PTPRD: variants seen among roughly 807,000 people sequenced by gnomAD.
PTPRD encodes protein tyrosine phosphatase receptor type D.
A neutral mutation model predicts 214.5 loss-of-function variants in PTPRD; 34 were observed. That is an observed-to-expected ratio of 0.16 (90% CI 0.12 to 0.21). The LOEUF (loss-of-function observed/expected upper bound fraction) is 0.21. Among genes scored for constraint, PTPRD ranks in the 10% least tolerant of loss-of-function variants. The pLI is 1.00. For synonymous variants in PTPRD, 1,128 were observed against 845.7 expected, an observed-to-expected ratio of 1.33 and a Z score of -5.79; for missense variants, 2,545 against 2,398.7, an observed-to-expected ratio of 1.06 and a Z score of -1.27.
At chr9:9,647,192 TCATTC>T (rs2096214061) in intron 7 of PTPRD, among the ~76,000 whole-genome samples, 1 of 152,292 alleles carries the variant, frequency 6.6e-6, no homozygotes, top group Admixed American at 6.5e-5. Context: ...CTCTTTCTAG[TCATTC>T]CATTCATTTC....
chr9:8,486,780 G>A (rs1167884179), intron 27 of PTPRD, among the ~76,000 whole-genome samples: 1 of 152,150 alleles, frequency 6.6e-6, no homozygotes, highest in African/African-American at 2.4e-5. Flanking sequence ...ATTGCATATA[G>A]TATTCACAAT....
At position 8,934,270 on chromosome 9, in the gene PTPRD, C is replaced by T. The variant is rs761111217; in HGVS notation, c.-104+84427G>A. Among the ~76,000 whole-genome samples, 29 of 149,340 alleles carry T rather than the reference C, an allele frequency of 1.9e-4. 1 individual carries two copies. Among genetic ancestry groups the T allele is most frequent in the Non-Finnish European group, 4.0e-4 (27 of 67,562 alleles). On this transcript the variant is annotated intron_variant, in intron 11 of 45. Transcript: ENST00000381196. ...AAAATAACATAAAATTAAGTGAAGG[C>T]CCATCCTCCTAAATTCAGTTCCAAC...
At position 10,277,337 on chromosome 9, in the gene PTPRD, C is replaced by T. The variant is rs139632979; in HGVS notation, c.-545+63626G>A. ...CTTTATCCCAAATCCATTTTCCTTA[C>T]TTATTTTTCCAAAATAATCTTCCAT... is the stretch of plus-strand genomic sequence containing the variant. On this transcript the variant is annotated intron_variant, in intron 3 of 45. Coordinates refer to ENST00000381196, the MANE Select transcript of PTPRD (RefSeq NM_002839.4). Among the ~76,000 whole-genome samples the T allele has an allele frequency of 1.3e-3, 202 of 151,534 alleles. 1 individual carries two copies. Among genetic ancestry groups the T allele is most frequent in the African/African-American group, 4.8e-3 (197 of 41,376 alleles).
intron 12 of PTPRD, among the ~76,000 whole-genome samples, chr9:8,677,918 G>A (rs549299781): frequency 6.6e-6 from 1 of 152,140 alleles, no homozygotes; most frequent in Non-Finnish European, 1.5e-5. Flanking sequence ...TTGATCTGTG[G>A]GGGGTCTTGG....
chr9:9,807,153 C>G (rs959141693), intron 5 of PTPRD, among the ~76,000 whole-genome samples: 1 of 152,110 alleles, frequency 6.6e-6, no homozygotes, highest in Non-Finnish European at 1.5e-5. Context: ...CAGTCTCTAT[C>G]TTATGCCCCT....
chr9:9,786,483 AC>A (rs2098925058), intron 5 of PTPRD, among the ~76,000 whole-genome samples: 1 of 152,230 alleles, frequency 6.6e-6, no homozygotes, highest in African/African-American at 2.4e-5. Flanking sequence ...AGCATTTTGT[AC>A]CATAAATGCT....
At chr9:8,666,190 C>T (rs1009508159) in intron 12 of PTPRD, among the ~76,000 whole-genome samples, 5 of 151,754 alleles carry the variant, frequency 3.3e-5, no homozygotes, top group African/African-American at 1.2e-4. Flanking sequence ...GATTTTTTTC[C>T]CCTGCTGTAG....
At chr9:8,507,836 G>T (rs954458347) in intron 21 of PTPRD, among the ~76,000 whole-genome samples, 13 of 152,166 alleles carry the variant, frequency 8.5e-5, no homozygotes, top group Non-Finnish European at 8.8e-5. Context: ...AACTGAGTAG[G>T]AACTTACTCT....
At chr9:8,765,727 G>A (rs2094688074) in intron 11 of PTPRD, among the ~76,000 whole-genome samples, 1 of 152,216 alleles carries the variant, frequency 6.6e-6, no homozygotes, top group Non-Finnish European at 1.5e-5. Context: ...CTTGGCAGCA[G>A]TAGCTAACTA....
chr9:8,786,656 C>A (rs1338355767), intron 11 of PTPRD, among the ~76,000 whole-genome samples: 1 of 151,422 alleles, frequency 6.6e-6, no homozygotes, highest in Non-Finnish European at 1.5e-5. Context: ...CTCAGGTGAT[C>A]CACCCGCCTC....
chr9:10,251,552 A>G (rs978522992), intron 3 of PTPRD, among the ~76,000 whole-genome samples: 3 of 152,202 alleles, frequency 2.0e-5, no homozygotes, highest in Admixed American at 6.5e-5. Context: ...TAAAATCCAC[A>G]TTATATGAAT....
intron 4 of PTPRD, among the ~76,000 whole-genome samples, chr9:9,976,361 A>G (rs942036511): frequency 9.9e-5 from 15 of 152,096 alleles, no homozygotes; most frequent in Admixed American, 7.2e-4. Flanking sequence ...TACACTTTTT[A>G]TGCATCATCC....
intron 9 of PTPRD, among the ~76,000 whole-genome samples, chr9:9,189,227 C>A (rs1221204936): frequency 6.6e-6 from 1 of 151,886 alleles, no homozygotes; most frequent in Non-Finnish European, 1.5e-5. Flanking sequence ...CCTCTAGAGT[C>A]AGGAAAAATC....
At chr9:8,589,729 A>T (rs1594704873) in intron 14 of PTPRD, among the ~76,000 whole-genome samples, 1 of 152,274 alleles carries the variant, frequency 6.6e-6, no homozygotes, top group East Asian at 1.9e-4. Flanking sequence ...CACGTCTGCC[A>T]CCTCAGAAAT....
intron 4 of PTPRD, among the ~76,000 whole-genome samples, chr9:10,012,979 A>G (rs2154108459): frequency 6.6e-6 from 1 of 152,118 alleles, no homozygotes; most frequent in Middle Eastern, 3.4e-3. Flanking sequence ...AAAATACTTC[A>G]ATATTTTAAT....
chr9:10,183,693 G>A (rs1346526779), intron 3 of PTPRD, among the ~76,000 whole-genome samples: 1 of 152,140 alleles, frequency 6.6e-6, no homozygotes, highest in Non-Finnish European at 1.5e-5. Context: ...AAATGAAAAA[G>A]TAAGTGAAGG....
chr9:9,835,105 A>G (rs2056353107), intron 5 of PTPRD, among the ~76,000 whole-genome samples: 1 of 152,088 alleles, frequency 6.6e-6, no homozygotes, highest in Non-Finnish European at 1.5e-5. Context: ...TCATATTGCT[A>G]GTACCAAAGC....
intron 12 of PTPRD, among the ~76,000 whole-genome samples, chr9:8,722,843 C>G (rs1418631792): frequency 6.6e-6 from 1 of 152,146 alleles, no homozygotes; most frequent in Admixed American, 6.5e-5. Flanking sequence ...GAGCTAAAAG[C>G]AGACATTTGT....
intron 6 of PTPRD, among the ~76,000 whole-genome samples, chr9:9,757,926 TG>T (rs369474148): frequency 0.016 from 2,454 of 152,160 alleles, 42 homozygotes; most frequent in African/African-American, 0.039. Context: ...AGCCATTTCC[TG>T]GGGGGTTCCT....
Sources: gnomAD v4.1 joint callset for allele counts (sites outside exome capture counted in the v4.1 genomes callset) on GRCh38, gnomAD v4.1.1 for gene constraint, MANE v1.5 for transcripts, NCBI Gene and HGNC (gene_info 2026-07-23, HGNC 2026-07-21) for gene names.